TRPM5: variants seen among roughly 807,000 people sequenced by gnomAD.
TRPM5 encodes transient receptor potential cation channel subfamily M member 5.
TRPM5 carries 121 observed loss-of-function variants against 124.9 expected under a neutral mutation model. That is an observed-to-expected ratio of 0.97 (90% CI 0.84 to 1.13). The LOEUF (loss-of-function observed/expected upper bound fraction) is 1.13. Among genes scored for constraint, TRPM5 ranks in the 50% most tolerant of loss-of-function variants. TRPM5 has a pLI of 0.00. For synonymous variants in TRPM5, 781 were observed against 700.5 expected, an observed-to-expected ratio of 1.11 and a Z score of -1.81; for missense variants, 1,643 against 1,589.1, an observed-to-expected ratio of 1.03 and a Z score of -0.58.
chr11:2,405,990 C>T, intron 22 of TRPM5, 29 bp downstream of exon 27: 2 of 1,592,618 alleles, frequency 1.3e-6, no homozygotes, highest in Non-Finnish European at 1.7e-6. Flanking sequence ...CGCCTCCCAT[C>T]AGGGAGAGGA....
chr11:2,414,629 C>A (rs1412024377), intron 11 of TRPM5, 86 bp downstream of exon 16: 1 of 1,436,680 alleles, frequency 7.0e-7, no homozygotes, highest in African/African-American at 1.4e-5. Context: ...AACAGGCAGC[C>A]CTGGCGAGGC....
At position 2,422,383 on chromosome 11, in the gene TRPM5, TG is replaced by T. The variant is rs1273628983; in HGVS notation, c.118-63del. On this transcript the variant is annotated intron_variant, in intron 1 of 23. Transcript: ENST00000155858. ...ACGGGGCATGGGAGCTGCTGGGCAT[TG>T]GGGGGGGCTGGACACAAGGGGGCAC... is the stretch of plus-strand genomic sequence containing the variant. The T allele has an allele frequency of 3.0e-4, 195 of 643,458 alleles. 1 individual carries two copies. Among genetic ancestry groups the T allele is most frequent in the Admixed American group, 2.9e-3 (55 of 18,804 alleles). The allele number at this position is 643,458 out of a possible 1,614,324, so 39.9% of individuals were successfully genotyped here.
exon 1 of TRPM5, chr11:2,422,992 A>G (rs200485472): frequency 1.2e-6 from 2 of 1,612,950 alleles, no homozygotes. Context: ...GCCGGTCTTC[A>G]GCATCCCCGG....
chr11:2,404,931 A>T (rs777501142), exon 24 of TRPM5: 21 of 1,610,522 alleles, frequency 1.3e-5, no homozygotes, highest in African/African-American at 2.7e-5. Flanking sequence ...TGGCAGGCCA[A>T]GCAGCTCAGG....
intron 11 of TRPM5, 37 bp downstream of exon 16, chr11:2,414,678 C>CCG (rs886490716): frequency 6.8e-7 from 1 of 1,470,928 alleles, no homozygotes; most frequent in Non-Finnish European, 9.0e-7. Flanking sequence ...ACATCCTCCC[C>CCG]CGCGCGCGGG....
In TRPM5 at chr11:2,415,137, C is replaced by CCTGG; in HGVS notation, c.1459_1462dup (p.Gly488AlafsTer96). The CCTGG allele has an allele frequency of 3.2e-6, 5 of 1,569,888 alleles. No homozygotes were observed. Among genetic ancestry groups the CCTGG allele is most frequent in the Non-Finnish European group, 4.3e-6 (5 of 1,160,252 alleles). ...CCCGCTCACCGCCCTCCTGCGGTCCCCTGGCCGGCCGTCCTGGTAGAAGCC... is the reference window on the plus strand; with the variant it reads ...CCCGCTCACCGCCCTCCTGCGGTCCCCTGGCTGGCCGGCCGTCCTGGTAGAAGCC... On this transcript the variant is annotated frameshift_variant, in exon 9 of 24. Transcript: ENST00000155858. LOFTEE classifies it high-confidence loss of function.
At chr11:2,405,920 C>G (rs767575993) in intron 22 of TRPM5, 99 bp downstream of exon 27, 41 of 1,145,788 alleles carry the variant, frequency 3.6e-5, no homozygotes, top group Non-Finnish European at 4.9e-5. Context: ...TGGCCTGCCT[C>G]ATCTCTGTGA....
upstream of TRPM5, among the ~76,000 whole-genome samples, chr11:2,423,733 C>T (rs1589877110): frequency 6.6e-6 from 1 of 152,332 alleles, no homozygotes; most frequent in East Asian, 1.9e-4. Context: ...CCTATTCCCT[C>T]AACCCTCATG....
chr11:2,409,112 C>G (rs534721843), intron 18 of TRPM5, among the ~76,000 whole-genome samples: 1 of 152,142 alleles, frequency 6.6e-6, no homozygotes, highest in African/African-American at 2.4e-5. Context: ...TTGTTTCTCC[C>G]GAGTGAGTTA....
At chr11:2,416,834 A>G (rs772382148) in intron 7 of TRPM5, among the ~76,000 whole-genome samples, 14 of 152,196 alleles carry the variant, frequency 9.2e-5, no homozygotes, top group East Asian at 1.9e-4. Context: ...ATGCTCATCA[A>G]AATTTTCCAT....
the TRPM5 span, among the ~76,000 whole-genome samples, chr11:2,434,320 C>T: frequency 6.8e-6 from 1 of 146,206 alleles, no homozygotes; most frequent in South Asian, 2.2e-4. Context: ...TGTGTGGACA[C>T]TGTGTGTGCA....
chr11:2,406,553 C>G, intron 21 of TRPM5, 108 bp downstream of exon 26: 1 of 1,425,122 alleles, frequency 7.0e-7, no homozygotes, highest in South Asian at 1.3e-5. Flanking sequence ...TGCCCCTACC[C>G]CTTCAGCTTC....
At chr11:2,415,529 G>T in intron 8 of TRPM5, 58 bp from the exon 14 acceptor site, 1 of 1,219,032 alleles carries the variant, frequency 8.2e-7, no homozygotes, top group Non-Finnish European at 1.1e-6. Context: ...AGAGACAGGA[G>T]GAGGGGGTCC....
In TRPM5 at chr11:2,407,648, G is replaced by A. The variant is rs1395917370; in HGVS notation, c.2936+111C>T. The A allele has an allele frequency of 2.8e-6, 4 of 1,410,582 alleles. No individual in the cohort carries two copies. In the African/African-American group the frequency reaches 5.6e-5, roughly 20 times the overall value. 87.4% of individuals were successfully genotyped at this position (1,410,582 alleles called of 1,614,324 possible). A position where few individuals can be genotyped will look rare whatever the true frequency, so the allele number is the denominator to read the frequency against. On this transcript the variant is annotated intron_variant, in intron 19 of 23. Coordinates refer to ENST00000155858, the Ensembl canonical transcript of TRPM5. Reference sequence around the variant, plus strand: ...CCTTCTATCTGCCCTGAGGCACCAAGCCTCACCCTCTGCAGCACACCAGGT... The same window carrying A: ...CCTTCTATCTGCCCTGAGGCACCAAACCTCACCCTCTGCAGCACACCAGGT...
rs777047940 is a variant in TRPM5, at chr11:2,407,212, C to T, written c.3025G>A (p.Ala1009Thr). ...AGCAGGATGAAGGGCGGGGCCAGGGCGGGGCGCTCGTGGTACTCCACAATC... is the reference window on the plus strand; with the variant it reads ...AGCAGGATGAAGGGCGGGGCCAGGGTGGGGCGCTCGTGGTACTCCACAATC... Residue 1009 changes from alanine (A) to threonine (T), a missense_variant, in exon 20 of 24, where the codon GCC (alanine) becomes ACC (threonine). Ala to Thr is a moderately conservative substitution (Grantham distance 58). Coordinates refer to ENST00000155858, the Ensembl canonical transcript of TRPM5. The T allele has an allele frequency of 1.1e-4, 174 of 1,563,090 alleles. 1 individual carries two copies. Among genetic ancestry groups the T allele is most frequent in the East Asian group, 7.2e-4 (32 of 44,668 alleles).
At chr11:2,405,124 C>T (rs1242963470) in intron 23 of TRPM5, 81 bp from the exon 29 acceptor site, 8 of 1,237,274 alleles carry the variant, frequency 6.5e-6, no homozygotes, top group Non-Finnish European at 9.2e-6. Context: ...GGCTCAGAGG[C>T]AAGGGCCAGG....
At chr11:2,419,021 C>T (rs1354961132) in intron 4 of TRPM5, among the ~76,000 whole-genome samples, 2 of 152,104 alleles carry the variant, frequency 1.3e-5, no homozygotes. Flanking sequence ...CAGGTTTCTC[C>T]CCCAAACAGA....
intron 11 of TRPM5, 85 bp downstream of exon 16, chr11:2,414,630 C>A (rs1398895125): frequency 6.3e-6 from 9 of 1,437,290 alleles, no homozygotes; most frequent in South Asian, 1.4e-5. Flanking sequence ...ACAGGCAGCC[C>A]TGGCGAGGCC....
exon 18 of TRPM5, chr11:2,411,397 G>T: frequency 6.2e-7 from 1 of 1,611,636 alleles, no homozygotes; most frequent in Non-Finnish European, 8.5e-7. Flanking sequence ...TGCAGGTAGG[G>T]CCGGTAGAGC....
Sources: allele counts gnomAD v4.1 joint callset (sites outside exome capture counted in the v4.1 genomes callset), GRCh38; gene constraint gnomAD v4.1.1; transcripts MANE v1.5; gene names NCBI Gene and HGNC (gene_info 2026-07-23, HGNC 2026-07-21).